CNTNAP2: variants seen among roughly 807,000 people sequenced by gnomAD.
CNTNAP2 encodes contactin-associated protein-like 2.
In CNTNAP2, 98 loss-of-function variants were observed where a neutral mutation model predicts 155.2. That is an observed-to-expected ratio of 0.63 (90% CI 0.54 to 0.75). The LOEUF is 0.75. Ranked by LOEUF, CNTNAP2 falls within the 30% of genes least tolerant of loss-of-function variation. The pLI is 0.00. For missense variants in CNTNAP2, 1,727 were observed against 1,688.1 expected, an observed-to-expected ratio of 1.02 and a Z score of -0.40; for synonymous variants, 651 against 631.2, an observed-to-expected ratio of 1.03 and a Z score of -0.47.
At chr7:147,912,198 G>A (rs75948104) in intron 14 of CNTNAP2, among the ~76,000 whole-genome samples, 1,614 of 151,660 alleles carry the variant, frequency 0.011, 83 homozygotes, top group Admixed American at 0.089. Flanking sequence ...TTAAATGAGA[G>A]GATACTCATA....
chr7:146,638,010 T>A (rs1799627637), intron 1 of CNTNAP2, among the ~76,000 whole-genome samples: 1 of 152,208 alleles, frequency 6.6e-6, no homozygotes, highest in South Asian at 2.1e-4. Context: ...TTGTATCTAG[T>A]CATATGTGCA....
At chr7:146,488,327 T>TCCTC (rs1257539792) in intron 1 of CNTNAP2, among the ~76,000 whole-genome samples, 5 of 137,372 alleles carry the variant, frequency 3.6e-5, no homozygotes, top group Non-Finnish European at 7.9e-5. Context: ...CTTCCTTCCT[T>TCCTC]CCTCTTGCTT....
At chr7:147,257,384 A>T (rs1293813543) in intron 8 of CNTNAP2, among the ~76,000 whole-genome samples, 1 of 152,224 alleles carries the variant, frequency 6.6e-6, no homozygotes, top group East Asian at 1.9e-4. Flanking sequence ...CGGCCCACTC[A>T]GCAATCTAAT....
intron 8 of CNTNAP2, among the ~76,000 whole-genome samples, chr7:147,291,106 A>G (rs767680064): frequency 6.6e-6 from 1 of 151,974 alleles, no homozygotes; most frequent in Admixed American, 6.6e-5. Context: ...CCACCTTCCC[A>G]TAGACAGCTG....
At chr7:146,538,794 T>G (rs1261218795) in intron 1 of CNTNAP2, among the ~76,000 whole-genome samples, 2 of 150,534 alleles carry the variant, frequency 1.3e-5, no homozygotes, top group African/African-American at 4.9e-5. Context: ...AGACAAAAAA[T>G]TGATGATAAT....
intron 9 of CNTNAP2, among the ~76,000 whole-genome samples, chr7:147,341,765 CACAT>C (rs1274931660): frequency 7.0e-5 from 6 of 86,230 alleles, no homozygotes; most frequent in East Asian, 3.1e-4. Context: ...CACACACATA[CACAT>C]ACACACACAC....
At chr7:147,085,983 C>A (rs1800268802) in intron 4 of CNTNAP2, among the ~76,000 whole-genome samples, 1 of 151,248 alleles carries the variant, frequency 6.6e-6, no homozygotes, top group African/African-American at 2.4e-5. Flanking sequence ...TTTCTTTAAA[C>A]CTTGGAGCCT....
chr7:146,352,518 A>G (rs1039675101), intron 1 of CNTNAP2, among the ~76,000 whole-genome samples: 6 of 152,120 alleles, frequency 3.9e-5, no homozygotes, highest in African/African-American at 1.4e-4. Context: ...GACTTGGTAG[A>G]TAAAATATAC....
chr7:147,527,245 G>T (rs529654482), intron 11 of CNTNAP2, among the ~76,000 whole-genome samples: 3 of 151,782 alleles, frequency 2.0e-5, no homozygotes, highest in Non-Finnish European at 1.5e-5. Flanking sequence ...GGATGGTCTC[G>T]ATCTCCTGAC....
At chr7:148,234,325 C>T (rs1796012721) in intron 20 of CNTNAP2, among the ~76,000 whole-genome samples, 1 of 152,164 alleles carries the variant, frequency 6.6e-6, no homozygotes. Context: ...GAAGCAGATA[C>T]CTCTGGCTGG....
chr7:147,337,086 A>T (rs1490588202), intron 9 of CNTNAP2, among the ~76,000 whole-genome samples: 2 of 152,196 alleles, frequency 1.3e-5, no homozygotes, highest in Non-Finnish European at 2.9e-5. Flanking sequence ...AAAATTTACC[A>T]ATATCATGCA....
chr7:147,690,041 C>T (rs1261490843), intron 13 of CNTNAP2, among the ~76,000 whole-genome samples: 1 of 147,502 alleles, frequency 6.8e-6, no homozygotes, highest in Non-Finnish European at 1.5e-5. Flanking sequence ...CTCCAGTCTC[C>T]CTTCCTTCCT....
At chr7:147,608,272 G>A (rs1801111881) in intron 12 of CNTNAP2, among the ~76,000 whole-genome samples, 1 of 150,630 alleles carries the variant, frequency 6.6e-6, no homozygotes, top group African/African-American at 2.4e-5. Context: ...CTTTTATGTT[G>A]CTCTGTGAAA....
chr7:147,175,290 T>C (rs1362963034), intron 8 of CNTNAP2, among the ~76,000 whole-genome samples: 1 of 151,914 alleles, frequency 6.6e-6, no homozygotes, highest in Non-Finnish European at 1.5e-5. Context: ...TATTCCCTCC[T>C]ATCCTTTAAA....
At chr7:146,932,352 T>C (rs1201837087) in intron 3 of CNTNAP2, among the ~76,000 whole-genome samples, 1 of 151,702 alleles carries the variant, frequency 6.6e-6, no homozygotes, top group Non-Finnish European at 1.5e-5. Flanking sequence ...ATTATCTCAA[T>C]AGATGCAGAA....
At chr7:146,145,358 G>A (rs1170336638) in intron 1 of CNTNAP2, among the ~76,000 whole-genome samples, 3 of 152,072 alleles carry the variant, frequency 2.0e-5, no homozygotes, top group Admixed American at 6.6e-5. Context: ...CAAATTAGAC[G>A]AGAACATACT....
chr7:147,758,572 G>T (rs372112213), intron 13 of CNTNAP2, among the ~76,000 whole-genome samples: 2 of 152,264 alleles, frequency 1.3e-5, no homozygotes, highest in Admixed American at 6.5e-5. Flanking sequence ...GACTGGACAT[G>T]GTGGCTCAGG....
At chr7:147,262,648 CAAA>C (rs902935069) in intron 8 of CNTNAP2, among the ~76,000 whole-genome samples, 1 of 151,904 alleles carries the variant, frequency 6.6e-6, no homozygotes, top group African/African-American at 2.4e-5. Context: ...ACTAAAAATA[CAAA>C]AAAAATTAGC....
intron 21 of CNTNAP2, among the ~76,000 whole-genome samples, chr7:148,338,576 A>G (rs1798164972): frequency 6.6e-6 from 1 of 151,928 alleles, no homozygotes; most frequent in African/African-American, 2.4e-5. Context: ...GGGGTGAGTT[A>G]CTGCTGATGA....
Sources: gnomAD v4.1 joint callset for allele counts (sites outside exome capture counted in the v4.1 genomes callset) on GRCh38, gnomAD v4.1.1 for gene constraint, MANE v1.5 for transcripts, NCBI Gene and HGNC (gene_info 2026-07-23, HGNC 2026-07-21) for gene names.